The following MGAT4A variants were observed in gnomAD, a reference collection of about 807,000 sequenced individuals.
MGAT4A encodes the protein alpha-1,3-mannosyl-glycoprotein 4-beta-N-acetylglucosaminyltransferase A, also known as N-acetylglucosaminyltransferase IVa.
Under a neutral mutation model 74.1 loss-of-function variants are expected in MGAT4A, and 33 were observed. That is an observed-to-expected ratio of 0.45 (90% CI 0.34 to 0.60). The LOEUF is 0.60. MGAT4A is among the 20% of genes least tolerant of loss of function. MGAT4A has a pLI of 0.02. For missense variants in MGAT4A, 479 were observed against 628.3 expected (o/e 0.76, Z 2.54); for synonymous variants, 198 against 210.4 (o/e 0.94, Z 0.51).
chr2:98,655,663 T>C lies in MGAT4A; in HGVS notation c.699-143A>G, dbSNP rs185190938. ...ACACACACATACACACACACTCACT[T>C]AGGACGAAGAGTCAAAGAAAATTCA... On this transcript the variant is annotated intron_variant, in intron 7 of 15. Transcript: ENST00000393487. 11 of 548,922 alleles carry C rather than the reference T, an allele frequency of 2.0e-5. No homozygotes were observed. The Admixed American group carries it at 4.0e-4, about 20-fold the overall frequency. The allele number at this position is 548,922 out of a possible 1,614,324, so 34.0% of individuals were successfully genotyped here. A position where few individuals can be genotyped will look rare whatever the true frequency, so the allele number is the denominator to read the frequency against.
chr2:98,689,320 T>C lies in MGAT4A; in HGVS notation c.95-10849A>G, dbSNP rs575014110. 9.9e-5 allele frequency among the ~76,000 whole-genome samples: 15 copies of C among 152,262 alleles called. No individual in the cohort carries two copies. The South Asian group carries it at 2.5e-3, about 25-fold the overall frequency. On this transcript the variant is annotated intron_variant, in intron 2 of 15. Coordinates refer to ENST00000393487, the MANE Select transcript of MGAT4A (RefSeq NM_012214.3). ...GACAACTGTAGGACAAATCAGAAAA[T>C]GAATGTAGAAAGCAGGTAGTATCAC...
In MGAT4A at chr2:98,625,009, G is replaced by C. The variant is rs536115863; in HGVS notation, c.*557C>G. Reference sequence around the variant, plus strand: ...GGTTTGTAATGTTTGCATTTCCAAAGAAAAATATAGAAAGAACTTAAAAAA... The same window carrying C: ...GGTTTGTAATGTTTGCATTTCCAAACAAAAATATAGAAAGAACTTAAAAAA... On this transcript the variant is annotated 3_prime_UTR_variant, in exon 16 of 16. Coordinates refer to ENST00000393487, the MANE Select transcript of MGAT4A (RefSeq NM_012214.3). The C allele has an allele frequency of 6.5e-5, 64 of 983,846 alleles. No homozygotes were observed. The Admixed American group carries it at 1.5e-3, about 23-fold the overall frequency. The allele number at this position is 983,846 out of a possible 1,614,324, so 60.9% of individuals were successfully genotyped here.
chr2:98,671,860 A>G (rs1177554276), intron 4 of MGAT4A, among the ~76,000 whole-genome samples: 4 of 150,466 alleles, frequency 2.7e-5, no homozygotes, highest in Non-Finnish European at 5.9e-5. Context: ...GAACAACAGA[A>G]TCAAGAGGGT....
chr2:98,662,980 T>C, intron 5 of MGAT4A, 66 bp downstream of exon 5: 1 of 1,223,282 alleles, frequency 8.2e-7, no homozygotes, highest in Non-Finnish European at 1.1e-6. Context: ...TATTCAAATA[T>C]TCAATTAGAG....
Position 98,726,510 on chromosome 2 carries a change from C to A in MGAT4A, c.-178G>T. 1 of 517,588 alleles carries A rather than the reference C, an allele frequency of 1.9e-6. No individual in the cohort carries two copies. Among genetic ancestry groups the A allele is most frequent in the Non-Finnish European group, 3.4e-6 (1 of 290,894 alleles). 32.1% of individuals were successfully genotyped at this position (517,588 alleles called of 1,614,324 possible). Reference sequence around the variant, plus strand: ...AGCCTAGCAGCAATGCTGTTCACAACTGTACTCGGGATCGTCTTTGCGGTC... The same window carrying A: ...AGCCTAGCAGCAATGCTGTTCACAAATGTACTCGGGATCGTCTTTGCGGTC... On this transcript the variant is annotated 5_prime_UTR_variant, in exon 2 of 16. Transcript: ENST00000393487.
At chr2:98,647,270 C>G (rs1250708072) in intron 8 of MGAT4A, among the ~76,000 whole-genome samples, 1 of 152,122 alleles carries the variant, frequency 6.6e-6, no homozygotes, top group Non-Finnish European at 1.5e-5. Context: ...TTACTCTCAG[C>G]CTCGCTGGAG....
In MGAT4A at chr2:98,643,954, CA is replaced by C; in HGVS notation, c.988del (p.Trp330GlyfsTer2). The C allele has an allele frequency of 6.4e-7, 1 of 1,570,082 alleles. No homozygotes were observed. Among genetic ancestry groups the C allele is most frequent in the Non-Finnish European group, 8.7e-7 (1 of 1,151,752 alleles). ...TTTTTCAGGGTTGCAGACTTTCACC[CA>C]GAGAATATGGTCCAGGAGCCAATCA... ...PIDWLLDHIL[W>X]VKVCNPEKDA... On this transcript the variant is annotated frameshift_variant, in exon 10 of 16. Transcript: ENST00000393487. LOFTEE classifies it high-confidence loss of function.
chr2:98,716,205 T>C (rs1702589633), intron 2 of MGAT4A, among the ~76,000 whole-genome samples: 1 of 151,908 alleles, frequency 6.6e-6, no homozygotes, highest in Admixed American at 6.6e-5. Context: ...CTGTGGGCCT[T>C]CCCTCAACTT....
intron 2 of MGAT4A, among the ~76,000 whole-genome samples, chr2:98,723,058 G>A (rs775608338): frequency 7.2e-5 from 11 of 152,128 alleles, no homozygotes; most frequent in African/African-American, 1.4e-4. Context: ...AGTATACCCC[G>A]CTGAAACTGT....
chr2:98,630,239 A>C (rs1440241836), intron 14 of MGAT4A, among the ~76,000 whole-genome samples: 1 of 152,188 alleles, frequency 6.6e-6, no homozygotes, highest in Non-Finnish European at 1.5e-5. Flanking sequence ...TGTCCACAGA[A>C]TCCATCCATA....
At chr2:98,658,191 G>A (rs767455383) in intron 6 of MGAT4A, 27 bp downstream of exon 6, 18 of 1,451,710 alleles carry the variant, frequency 1.2e-5, no homozygotes, top group East Asian at 4.6e-5. Flanking sequence ...CAAAATATTT[G>A]TATGTTTATA....
intron 4 of MGAT4A, among the ~76,000 whole-genome samples, chr2:98,667,693 G>GT (rs1334922914): frequency 6.8e-6 from 1 of 147,274 alleles, no homozygotes; most frequent in African/African-American, 2.6e-5. Flanking sequence ...AAGGCATTCA[G>GT]TTTTTGTTGT....
At chr2:98,675,452 T>C (rs899978858) in intron 3 of MGAT4A, among the ~76,000 whole-genome samples, 3 of 152,198 alleles carry the variant, frequency 2.0e-5, no homozygotes, top group Non-Finnish European at 4.4e-5. Flanking sequence ...CTCTATAATG[T>C]ATTAGAACTC....
rs1342810104 is a variant in MGAT4A at position 98,680,994 on chromosome 2, T to G, written c.95-2523A>C. On this transcript the variant is annotated intron_variant, in intron 2 of 15. Transcript: ENST00000393487. ...TCCTTTTTTGTTGTTGTTGTTGTTC[T>G]TTTTTTGAGACGGAGTCTCGCTCTG... is the stretch of plus-strand genomic sequence containing the variant. Among the ~76,000 whole-genome samples the G allele has an allele frequency of 3.9e-5, 6 of 152,202 alleles. No individual in the cohort carries two copies. The South Asian group carries it at 1.2e-3, about 32-fold the overall frequency.
At chr2:98,658,158 G>C in intron 6 of MGAT4A, 60 bp downstream of exon 6, 1 of 1,092,644 alleles carries the variant, frequency 9.2e-7, no homozygotes, top group East Asian at 2.5e-5. Flanking sequence ...CTTTTAGCAA[G>C]AAACCCAAGA....
At chr2:98,681,239 C>A (rs1234781422) in intron 2 of MGAT4A, among the ~76,000 whole-genome samples, 1 of 152,164 alleles carries the variant, frequency 6.6e-6, no homozygotes, top group South Asian at 2.1e-4. Context: ...CCTCAGCCTC[C>A]CAAAGTGCTG....
rs574380180 is a variant in MGAT4A, at chr2:98,691,255, A to T, written c.95-12784T>A. ...GATCGCTTGAGGCCAGAAGTTCAAG[A>T]CCAGCCTGAGCAAATCAGTGAAACC... On this transcript the variant is annotated intron_variant, in intron 2 of 15. Transcript: ENST00000393487. 2.8e-4 allele frequency among the ~76,000 whole-genome samples: 43 copies of T among 152,236 alleles called. No individual in the cohort carries two copies. In the South Asian group the frequency reaches 8.9e-3, roughly 32 times the overall value.
At chr2:98,697,719 T>C (rs1702296927) in intron 2 of MGAT4A, among the ~76,000 whole-genome samples, 1 of 152,160 alleles carries the variant, frequency 6.6e-6, no homozygotes, top group South Asian at 2.1e-4. Flanking sequence ...AAATAATTAT[T>C]ATTAAGGGCA....
intron 2 of MGAT4A, among the ~76,000 whole-genome samples, chr2:98,686,281 T>C (rs1324868863): frequency 6.6e-6 from 1 of 152,164 alleles, no homozygotes; most frequent in Non-Finnish European, 1.5e-5. Flanking sequence ...TGAAAATAAT[T>C]CATTTACTCC....
Sources: allele counts gnomAD v4.1 joint callset (sites outside exome capture counted in the v4.1 genomes callset), GRCh38; gene constraint gnomAD v4.1.1; transcripts MANE v1.5; gene names NCBI Gene and HGNC (gene_info 2026-07-23, HGNC 2026-07-21).